Variants in N4BP2L2 observed in about 807,000 individuals in gnomAD.
N4BP2L2 encodes NEDD4-binding protein 2-like 2.
A neutral mutation model predicts 56.2 loss-of-function variants in N4BP2L2; 50 were observed. That is an observed-to-expected ratio of 0.89 (90% CI 0.71 to 1.13). N4BP2L2 has a LOEUF of 1.13. N4BP2L2 is among the 50% of genes most tolerant of loss of function. The pLI, the probability that N4BP2L2 is intolerant of heterozygous loss-of-function variation, is 0.00. For synonymous variants in N4BP2L2, 203 were observed against 223.6 expected (o/e 0.91, Z 0.82); for missense variants, 689 against 693.8 (o/e 0.99, Z 0.08).
intron 6 of N4BP2L2, among the ~76,000 whole-genome samples, chr13:32,490,656 AC>A (rs1661285652): frequency 2.6e-5 from 4 of 151,894 alleles, no homozygotes; most frequent in Admixed American, 2.0e-4. Flanking sequence ...GCAGTCCCCA[AC>A]CTTTTTGGGG....
At chr13:32,470,849 GCCTGAAGCACC>G (rs1376629244) in intron 6 of N4BP2L2, among the ~76,000 whole-genome samples, 1 of 152,192 alleles carries the variant, frequency 6.6e-6, no homozygotes, top group Admixed American at 6.5e-5. Flanking sequence ...AGGCCATGGG[GCCTGAAGCACC>G]CCTAGACCCT....
chr13:32,520,947 T>C (rs1452512076), intron 5 of N4BP2L2, among the ~76,000 whole-genome samples: 2 of 152,220 alleles, frequency 1.3e-5, no homozygotes, highest in Non-Finnish European at 2.9e-5. Context: ...TGACTAGTCA[T>C]GATTTGCTGC....
At chr13:32,438,369 A>G (rs775062335) in intron 8 of N4BP2L2, among the ~76,000 whole-genome samples, 6 of 152,222 alleles carry the variant, frequency 3.9e-5, no homozygotes, top group Non-Finnish European at 5.9e-5. Flanking sequence ...TCACTCATAT[A>G]TGAAATCTAA....
At chr13:32,534,573 A>G (rs1382338466) in intron 2 of N4BP2L2, among the ~76,000 whole-genome samples, 2 of 152,204 alleles carry the variant, frequency 1.3e-5, no homozygotes, top group African/African-American at 4.8e-5. Context: ...TCACTAAAGT[A>G]AAAGGAATCA....
chr13:32,535,797 G>A, exon 2 of N4BP2L2: 3 of 1,613,678 alleles, frequency 1.9e-6, no homozygotes, highest in Middle Eastern at 1.7e-4. Context: ...CCAGAACCAG[G>A]CAGACCTCTT....
chr13:32,458,468 C>T (rs1367444482), intron 6 of N4BP2L2, among the ~76,000 whole-genome samples: 1 of 152,162 alleles, frequency 6.6e-6, no homozygotes, highest in East Asian at 1.9e-4. Context: ...ATAGACATTC[C>T]ATGCAAATGG....
chr13:32,521,444 T>C (rs759422370), exon 5 of N4BP2L2: 3 of 1,609,960 alleles, frequency 1.9e-6, no homozygotes, highest in Non-Finnish European at 2.5e-6. Flanking sequence ...ATCCTTTTCC[T>C]ATGGCCTACA....
downstream of N4BP2L2, chr13:32,508,479 G>A (rs187717716): frequency 3.3e-5 from 5 of 152,204 alleles, no homozygotes; most frequent in Admixed American, 6.5e-5. Context: ...ATAAACAAAC[G>A]AGAGAGGATG....
At chr13:32,485,775 A>G (rs2085724543) in intron 6 of N4BP2L2, among the ~76,000 whole-genome samples, 1 of 152,196 alleles carries the variant, frequency 6.6e-6, no homozygotes, top group African/African-American at 2.4e-5. Context: ...TAGAAACAGG[A>G]AGAAAACTAA....
intron 9 of N4BP2L2, among the ~76,000 whole-genome samples, chr13:32,433,387 T>C (rs2075052303): frequency 6.6e-6 from 1 of 152,186 alleles, no homozygotes; most frequent in Non-Finnish European, 1.5e-5. Context: ...TCCCAGCATT[T>C]TGGGAGGCCG....
At chr13:32,468,480 A>C (rs886180235) in intron 6 of N4BP2L2, among the ~76,000 whole-genome samples, 3 of 152,224 alleles carry the variant, frequency 2.0e-5, no homozygotes, top group African/African-American at 7.2e-5. Flanking sequence ...TGGTAAAGCG[A>C]AGAACAAAAG....
exon 7 of N4BP2L2, chr13:32,442,390 A>G (rs766403481): frequency 1.1e-5 from 18 of 1,576,322 alleles, no homozygotes; most frequent in Non-Finnish European, 1.4e-5. Context: ...CAACTTACCC[A>G]TTGGAACGCC....
chr13:32,446,700 TTCA>T (rs1409453700), intron 6 of N4BP2L2: 1 of 189,782 alleles, frequency 5.3e-6, no homozygotes, highest in Admixed American at 6.5e-5. Context: ...TGAAACACAC[TTCA>T]TCACCAAAAT....
At chr13:32,478,826 A>C (rs1223174520) in intron 6 of N4BP2L2, 1 of 152,238 alleles carries the variant, frequency 6.6e-6, no homozygotes, top group African/African-American at 2.4e-5. Context: ...TTCAAAGGGT[A>C]GAAAAATGGT....
At chr13:32,498,987 T>TAAAA (rs34972549) in intron 6 of N4BP2L2, among the ~76,000 whole-genome samples, 10 of 87,110 alleles carry the variant, frequency 1.1e-4, no homozygotes, top group African/African-American at 4.0e-4. Context: ...AGACTCTGTC[T>TAAAA]AAAAAAAAAA....
exon 6 of N4BP2L2, chr13:32,511,895 C>T (rs1248232478): frequency 6.6e-6 from 1 of 151,982 alleles, no homozygotes. Context: ...ACAATCCCTT[C>T]CTGAGTAAAT....
chr13:32,506,293 A>C (rs980611823), downstream of N4BP2L2: 4 of 152,012 alleles, frequency 2.6e-5, no homozygotes, highest in Non-Finnish European at 4.4e-5. Context: ...TTTTATCTTC[A>C]TTACCTTTTT....
At chr13:32,455,909 A>G (rs2078904132) in intron 6 of N4BP2L2, among the ~76,000 whole-genome samples, 2 of 152,188 alleles carry the variant, frequency 1.3e-5, no homozygotes, top group African/African-American at 4.8e-5. Context: ...GTCACAGCCA[A>G]TGCTAACACA....
rs773226202 is a variant in N4BP2L2, at chr13:32,536,544, T to C, written c.484A>G (p.Asn162Asp). 1.9e-6 allele frequency: 3 copies of C among 1,613,962 alleles called. No individual in the cohort carries two copies. In the South Asian group the frequency reaches 3.3e-5, roughly 18 times the overall value. Residue 162 changes from asparagine to aspartate, a missense_variant, in exon 2 of 6, where the codon AAC becomes GAC. Asn to Asp is a conservative substitution (Grantham distance 23). Coordinates refer to ENST00000267068, the Ensembl canonical transcript of N4BP2L2. ...TTGTCAATCTCTGATTTTTCAGAGT[T>C]AAATTTCTGTTTCTCTTTTTGTCCT...
Sources: gnomAD v4.1 joint callset for allele counts (sites outside exome capture counted in the v4.1 genomes callset) on GRCh38, gnomAD v4.1.1 for gene constraint, MANE v1.5 for transcripts, NCBI Gene and HGNC (gene_info 2026-07-23, HGNC 2026-07-21) for gene names.